The following POLD1 variants were observed in gnomAD, a reference collection of about 807,000 sequenced individuals.
POLD1 encodes the protein DNA polymerase delta 1, catalytic subunit.
A neutral mutation model predicts 129.7 loss-of-function variants in POLD1; 79 were observed. The observed-to-expected ratio is 0.61, with a 90% CI of 0.51 to 0.73. The LOEUF is 0.73. Among genes scored for constraint, POLD1 ranks in the 30% least tolerant of loss-of-function variants. POLD1 has a pLI of 0.00. For missense variants in POLD1, 1,338 were observed against 1,595.8 expected, an observed-to-expected ratio of 0.84 and a Z score of 2.75; for synonymous variants, 714 against 683.3, an observed-to-expected ratio of 1.04 and a Z score of -0.70.
chr19:50,416,970 T>C, intron 24 of POLD1, 75 bp from the exon 25 acceptor site: 13 of 1,430,014 alleles, frequency 9.1e-6, no homozygotes, highest in Non-Finnish European at 1.1e-5. Flanking sequence ...GAAGCTGGGA[T>C]TGGCAGTGGG....
chr19:50,395,073 C>T (rs1054271608), intron 1 of POLD1: 20 of 150,260 alleles, frequency 1.3e-4, no homozygotes, highest in Non-Finnish European at 2.8e-4. Context: ...AAACAACTGA[C>T]CTCAAGTGAT....
Position 50,401,412 on chromosome 19 carries a change from T to C in POLD1, c.317-366T>C, listed in dbSNP as rs1420806694. The stretch of plus-strand genomic sequence containing the variant: ...ATATATTTTTTTTTTTTTTTTTTTT[T>C]TTTCTTTTTTTTGAGACTGGGTCTC... On this transcript the variant is annotated intron_variant, in intron 3 of 26. Transcript: ENST00000440232. Among the ~76,000 whole-genome samples the C allele has an allele frequency of 7.3e-4, 94 of 129,408 alleles. 1 individual carries two copies. Among genetic ancestry groups the C allele is most frequent in the African/African-American group, 2.7e-3 (92 of 33,536 alleles). The allele number at this position is 129,408 out of a possible 152,430, so 84.9% of individuals were successfully genotyped here.
chr19:50,407,411 A>G lies in POLD1; in HGVS notation c.1771A>G (p.Lys591Glu), dbSNP rs1478772104. ...GGGAGCCACTGTCATCGAGCCCCTC[A>G]AAGGGTGAGGCCCCAGGCTGGGTGC... ...YTGATVIEPLKGYYDVPIATL... is the reference protein window; with the variant it reads ...YTGATVIEPLEGYYDVPIATL... Residue 591 changes from lysine (K) to glutamate (E), a missense_variant, in exon 14 of 27, where the codon AAA becomes GAA. Physicochemically the swap from Lys to Glu is moderately conservative, Grantham distance 56. Transcript: ENST00000440232. The G allele has an allele frequency of 6.2e-7, 1 of 1,601,202 alleles. No individual in the cohort carries two copies. Among genetic ancestry groups the G allele is most frequent in the Non-Finnish European group, 8.5e-7 (1 of 1,171,948 alleles).
In POLD1 at chr19:50,403,032, C is replaced by T. The variant is rs201240451; in HGVS notation, c.971-21C>T. 993 of 1,552,604 alleles carry T rather than the reference C, an allele frequency of 6.4e-4. 15 individuals carry two copies. In the African/African-American group the frequency reaches 0.012, roughly 19 times the overall value. On this transcript the variant is annotated intron_variant, in intron 8 of 26. Transcript: ENST00000440232. ...GGAGTGAGGGGCAGGAGTCAGGCCC[C>T]TGCATCCTCCTGCCTCGCAGGCATC...
chr19:50,411,491 C>A (rs888526611), intron 17 of POLD1, among the ~76,000 whole-genome samples: 18 of 144,974 alleles, frequency 1.2e-4, no homozygotes, highest in Non-Finnish European at 6.3e-5. Flanking sequence ...GTCTCTTGAC[C>A]TCTTTCCTTA....
In POLD1 at chr19:50,416,581, C is replaced by T. The variant is rs368911467; in HGVS notation, c.2954-29C>T. On this transcript the variant is annotated intron_variant, in intron 23 of 26. Coordinates refer to ENST00000440232, the MANE Select transcript of POLD1 (RefSeq NM_002691.4). ...ACCCTGGGGGGGCAGAGGAGATCAC[C>T]GGCCCACCACCTGCCTCCTCTCCTG... 3,589 of 1,547,006 alleles carry T rather than the reference C, an allele frequency of 2.3e-3. 101 individuals are homozygous for T. In the South Asian group the frequency reaches 0.035, roughly 15 times the overall value.
In POLD1 at chr19:50,402,955, G is replaced by T. The variant is rs546499874; in HGVS notation, c.971-98G>T. The T allele has an allele frequency of 4.1e-6, 6 of 1,459,012 alleles. No individual in the cohort carries two copies. In the African/African-American group the frequency reaches 8.4e-5, roughly 20 times the overall value. The allele number at this position is 1,459,012 out of a possible 1,614,324, so 90.4% of individuals were successfully genotyped here. ...AGGGTGAGCCACGTAGGGCCGGCAGGCAGCGGGGACAGCCCCGGGGAGATG... is the reference window on the plus strand; with the variant it reads ...AGGGTGAGCCACGTAGGGCCGGCAGTCAGCGGGGACAGCCCCGGGGAGATG... On this transcript the variant is annotated intron_variant, in intron 8 of 26. Coordinates refer to ENST00000440232, the MANE Select transcript of POLD1 (RefSeq NM_002691.4).
At chr19:50,416,123 C>T (rs2039279854) in intron 22 of POLD1, 1 of 582,862 alleles carries the variant, frequency 1.7e-6, no homozygotes, top group Middle Eastern at 4.5e-4. Context: ...CCCCAGTGAC[C>T]CACATCTTAG....
intron 14 of POLD1, among the ~76,000 whole-genome samples, chr19:50,408,219 C>A (rs1194726693): frequency 1.3e-5 from 2 of 151,328 alleles, no homozygotes; most frequent in African/African-American, 4.9e-5. Flanking sequence ...CCTGCAGTGC[C>A]AGCTACTCGG....
chr19:50,403,421 A>T, intron 9 of POLD1, 72 bp from the exon 10 acceptor site: 1 of 1,300,824 alleles, frequency 7.7e-7, no homozygotes. Flanking sequence ...CTGGGGTTCT[A>T]GAACATTCTG....
chr19:50,389,109 G>A (rs1028355830), intron 1 of POLD1, among the ~76,000 whole-genome samples: 1 of 150,938 alleles, frequency 6.6e-6, no homozygotes, highest in African/African-American at 2.4e-5. Flanking sequence ...GGGATTACAG[G>A]CATGAGCCAC....
In POLD1 at chr19:50,409,494, G is replaced by A. The variant is rs576156329; in HGVS notation, c.2007-25G>A. ...ACCAATGCCCAGGTGCCGCCTGAGT[G>A]TGCTTTCCCCGTGTTCCCTCGCAGG... On this transcript the variant is annotated intron_variant, in intron 16 of 26. Coordinates refer to ENST00000440232, the MANE Select transcript of POLD1 (RefSeq NM_002691.4). The surrounding 1 kb of genome is among the most constrained non-coding windows in gnomAD (Gnocchi z 5.8). 1 of 1,613,460 alleles carries A rather than the reference G, an allele frequency of 6.2e-7. No homozygotes were observed. Among genetic ancestry groups the A allele is most frequent in the East Asian group, 2.2e-5 (1 of 44,890 alleles).
intron 24 of POLD1, 140 bp downstream of exon 24, chr19:50,416,863 C>T (rs2039317261): frequency 2.1e-6 from 2 of 939,772 alleles, no homozygotes; most frequent in Non-Finnish European, 1.6e-6. Context: ...CTGTCTCCAC[C>T]CCCCACAGAG....
At chr19:50,402,412 C>T in intron 6 of POLD1, 39 bp downstream of exon 6, 4 of 1,613,492 alleles carry the variant, frequency 2.5e-6, no homozygotes, top group Non-Finnish European at 3.4e-6. Flanking sequence ...TCTATCCCCA[C>T]CCTCGGGCAG....
intron 10 of POLD1, among the ~76,000 whole-genome samples, chr19:50,404,336 C>T (rs1406033958): frequency 2.0e-5 from 3 of 150,324 alleles, no homozygotes; most frequent in Non-Finnish European, 2.9e-5. Context: ...AATCTTGGCT[C>T]ACTGCAAACT....
At chr19:50,408,131 T>C (rs1185409848) in intron 14 of POLD1, among the ~76,000 whole-genome samples, 1 of 151,418 alleles carries the variant, frequency 6.6e-6, no homozygotes, top group East Asian at 2.0e-4. Context: ...GTTCAGGAGA[T>C]TGGGACCATC....
At position 50,398,367 on chromosome 19, in the gene POLD1, T is replaced by C. The variant is rs527666275; in HGVS notation, c.-1-484T>C. Among the ~76,000 whole-genome samples, 6 of 150,140 alleles carry C rather than the reference T, an allele frequency of 4.0e-5. No homozygotes were observed. In the East Asian group the frequency reaches 1.2e-3, roughly 29 times the overall value. On this transcript the variant is annotated intron_variant, in intron 1 of 26. Coordinates refer to ENST00000440232, the MANE Select transcript of POLD1 (RefSeq NM_002691.4). ...CGAGTGGATCACCTGAGGTCAGGAGTTCGAGACCAGCCTGGCCAACATGGC... is the reference window on the plus strand; with the variant it reads ...CGAGTGGATCACCTGAGGTCAGGAGCTCGAGACCAGCCTGGCCAACATGGC...
At position 50,409,245 on chromosome 19, in the gene POLD1, G is replaced by A. The variant is rs745827200; in HGVS notation, c.2006+10G>A. Reference sequence around the variant, plus strand: ...TCAGTGCCCGGAAGAGGTGAGCCCTGGAGATCGCCTGCTTGGAGCTCAGAC... The same window carrying A: ...TCAGTGCCCGGAAGAGGTGAGCCCTAGAGATCGCCTGCTTGGAGCTCAGAC... On this transcript the variant is annotated intron_variant, in intron 16 of 26. Coordinates refer to ENST00000440232, the MANE Select transcript of POLD1 (RefSeq NM_002691.4). The surrounding 1 kb of genome is among the most constrained non-coding windows in gnomAD (Gnocchi z 5.8). 1 of 1,565,256 alleles carries A rather than the reference G, an allele frequency of 6.4e-7. No individual in the cohort carries two copies. Among genetic ancestry groups the A allele is most frequent in the Admixed American group, 1.7e-5 (1 of 59,896 alleles).
At chr19:50,413,599 C>T (rs1404712767) in intron 18 of POLD1, 78 bp downstream of exon 18, 10 of 1,526,446 alleles carry the variant, frequency 6.6e-6, no homozygotes, top group Non-Finnish European at 8.1e-6. Flanking sequence ...ACCCCCATGT[C>T]CCCGTGCCTC....
Sources: gnomAD v4.1 joint callset for allele counts (sites outside exome capture counted in the v4.1 genomes callset) on GRCh38, gnomAD v4.1.1 for gene constraint, Gnocchi (gnomAD v3.1) non-coding constraint, MANE v1.5 for transcripts, NCBI Gene and HGNC (gene_info 2026-07-23, HGNC 2026-07-21) for gene names.